The following PDE4D variants were observed in gnomAD, a reference collection of about 807,000 sequenced individuals.
The protein encoded by PDE4D is 3',5'-cyclic-AMP phosphodiesterase 4D.
A neutral mutation model predicts 87.4 loss-of-function variants in PDE4D; 24 were observed. The observed-to-expected ratio is 0.27, with a 90% CI of 0.20 to 0.39. The LOEUF is 0.39. Ranked by LOEUF, PDE4D falls within the 10% of genes least tolerant of loss-of-function variation. The pLI is 1.00. For missense variants in PDE4D, 714 were observed against 1,041.0 expected (o/e 0.69, Z 4.32); for synonymous variants, 384 against 383.2 (o/e 1.00, Z -0.02).
chr5:59,883,352 G>A (rs956893277), intron 1 of PDE4D, among the ~76,000 whole-genome samples: 1 of 152,200 alleles, frequency 6.6e-6, no homozygotes, highest in Non-Finnish European at 1.5e-5. Flanking sequence ...ACAGGAGAGT[G>A]AGTCTAGAAG....
intron 5 of PDE4D, among the ~76,000 whole-genome samples, chr5:59,074,774 A>G (rs538486476): frequency 6.6e-6 from 1 of 152,156 alleles, no homozygotes; most frequent in East Asian, 1.9e-4. Flanking sequence ...ATAAAAAGAG[A>G]GTCTAGCCTA....
intron 1 of PDE4D, among the ~76,000 whole-genome samples, chr5:59,401,534 A>C (rs1438005819): frequency 3.3e-5 from 5 of 151,722 alleles, no homozygotes; most frequent in African/African-American, 1.2e-4. Flanking sequence ...CAAGAGAGTG[A>C]ATAAGATGGG....
intron 3 of PDE4D, among the ~76,000 whole-genome samples, chr5:59,900,065 C>T (rs77001836): frequency 6.6e-6 from 1 of 151,924 alleles, no homozygotes; most frequent in Non-Finnish European, 1.5e-5. Flanking sequence ...CATGGTGAAA[C>T]CCTGTCTCTA....
chr5:60,330,705 G>C (rs192269847), intron 1 of PDE4D, among the ~76,000 whole-genome samples: 1 of 152,306 alleles, frequency 6.6e-6, no homozygotes, highest in South Asian at 2.1e-4. Flanking sequence ...TTTTAAGTAA[G>C]AAAAGAAAAA....
intron 5 of PDE4D, among the ~76,000 whole-genome samples, chr5:59,159,943 G>T (rs1017274464): frequency 6.6e-6 from 1 of 151,776 alleles, no homozygotes; most frequent in Non-Finnish European, 1.5e-5. Flanking sequence ...TTACTGTAGG[G>T]GAAAAAAAAG....
At chr5:59,459,026 T>A (rs1800341366) in intron 1 of PDE4D, among the ~76,000 whole-genome samples, 1 of 152,258 alleles carries the variant, frequency 6.6e-6, no homozygotes, top group South Asian at 2.1e-4. Context: ...ATTGAATTTA[T>A]AATGAATATT....
At chr5:59,439,759 G>T (rs1472518301) in intron 1 of PDE4D, among the ~76,000 whole-genome samples, 1 of 152,132 alleles carries the variant, frequency 6.6e-6, no homozygotes, top group Non-Finnish European at 1.5e-5. Flanking sequence ...AGCCCTTGGG[G>T]TTGGGATATA....
At chr5:59,308,673 C>T (rs563893995) in intron 1 of PDE4D, among the ~76,000 whole-genome samples, 7 of 151,096 alleles carry the variant, frequency 4.6e-5, no homozygotes, top group East Asian at 3.9e-4. Context: ...GGTTGGGGGG[C>T]GCAATGGGCT....
chr5:59,236,391 A>G (rs998427423), intron 1 of PDE4D, among the ~76,000 whole-genome samples: 2 of 152,180 alleles, frequency 1.3e-5, no homozygotes, highest in Non-Finnish European at 1.5e-5. Context: ...TTACTGCTAC[A>G]TATCACTTTG....
chr5:59,693,849 C>T (rs1045972931), intron 1 of PDE4D, among the ~76,000 whole-genome samples: 1 of 152,148 alleles, frequency 6.6e-6, no homozygotes, highest in Non-Finnish European at 1.5e-5. Flanking sequence ...TTTCAATAAG[C>T]TCGGAGTAGT....
chr5:60,301,951 T>A (rs1020550139), intron 1 of PDE4D, among the ~76,000 whole-genome samples: 1 of 151,650 alleles, frequency 6.6e-6, no homozygotes, highest in Non-Finnish European at 1.5e-5. Flanking sequence ...TTGTCTTTAG[T>A]TTTTTTTATA....
intron 1 of PDE4D, among the ~76,000 whole-genome samples, chr5:60,257,744 T>A (rs981618582): frequency 5.3e-5 from 8 of 151,886 alleles, no homozygotes; most frequent in African/African-American, 1.9e-4. Context: ...AGTCCTCAAC[T>A]CTGTGAAGTG....
chr5:59,003,576 C>T (rs1470410452), intron 6 of PDE4D, among the ~76,000 whole-genome samples: 1 of 152,188 alleles, frequency 6.6e-6, no homozygotes, highest in Non-Finnish European at 1.5e-5. Context: ...TCAGGCACTG[C>T]CTGAGAAAGA....
rs150482261 is a variant in PDE4D, at chr5:59,899,358, C to T, written c.272+89130G>A. On this transcript the variant is annotated intron_variant, in intron 3 of 16. Transcript: ENST00000502484. Reference sequence around the variant, plus strand: ...ACTTAATATGTGCCAACCCTAAGTTCTGGAGATAAAAAAGTCAATAAAGAA... The same window carrying T: ...ACTTAATATGTGCCAACCCTAAGTTTTGGAGATAAAAAAGTCAATAAAGAA... 3.0e-4 allele frequency among the ~76,000 whole-genome samples: 45 copies of T among 151,882 alleles called. 1 individual carries two copies. The highest frequency in any genetic ancestry group is 7.3e-5 in the African/African-American group (3 of 41,312).
intron 1 of PDE4D, among the ~76,000 whole-genome samples, chr5:59,431,822 C>T (rs778311389): frequency 6.6e-6 from 1 of 152,124 alleles, no homozygotes; most frequent in South Asian, 2.1e-4. Flanking sequence ...TGTGTCCTTC[C>T]TTGTGTTCAT....
Position 60,371,968 on chromosome 5 carries a change from T to A in PDE4D, c.-90+115974A>T, listed in dbSNP as rs529683694. Among the ~76,000 whole-genome samples the A allele has an allele frequency of 3.5e-4, 54 of 152,280 alleles. 1 individual carries two copies. In the South Asian group the frequency reaches 0.011, roughly 31 times the overall value. ...TCTTTCAGTACAGAAATGTACACATTTCCACTGGACTATAAAAACGGAATT... is the reference window on the plus strand; with the variant it reads ...TCTTTCAGTACAGAAATGTACACATATCCACTGGACTATAAAAACGGAATT... On this transcript the variant is annotated intron_variant, in intron 1 of 16. Coordinates refer to the PDE4D transcript ENST00000502484.
At chr5:60,099,877 G>A (rs906664716) in intron 2 of PDE4D, among the ~76,000 whole-genome samples, 2 of 151,888 alleles carry the variant, frequency 1.3e-5, no homozygotes, top group East Asian at 3.8e-4. Context: ...TTCAGTTCTG[G>A]AACTCTATCC....
chr5:59,515,281 A>G (rs1810961914), intron 1 of PDE4D, among the ~76,000 whole-genome samples: 1 of 152,202 alleles, frequency 6.6e-6, no homozygotes, highest in Admixed American at 6.5e-5. Flanking sequence ...GTCTTTTGAA[A>G]GCATTGCTTT....
chr5:59,859,497 C>A (rs979418220), intron 1 of PDE4D, among the ~76,000 whole-genome samples: 2 of 152,106 alleles, frequency 1.3e-5, no homozygotes, highest in African/African-American at 4.8e-5. Context: ...AGGTTAGTAA[C>A]CCTCCCCTAA....
Sources: gnomAD v4.1 joint callset for allele counts (sites outside exome capture counted in the v4.1 genomes callset) on GRCh38, gnomAD v4.1.1 for gene constraint, MANE v1.5 for transcripts, NCBI Gene and HGNC (gene_info 2026-07-23, HGNC 2026-07-21) for gene names.